ST18: variants seen among roughly 807,000 people sequenced by gnomAD.
ST18 encodes the protein ST18 C2H2C-type zinc finger transcription factor.
ST18 carries 50 observed loss-of-function variants against 110.0 expected under a neutral mutation model. The observed-to-expected ratio is 0.45, with a 90% CI of 0.36 to 0.58. The LOEUF (loss-of-function observed/expected upper bound fraction) is 0.58, where lower values mean the gene tolerates loss of function less well. Ranked by LOEUF, ST18 falls within the 20% of genes least tolerant of loss-of-function variation. ST18 has a pLI of 0.00. For synonymous variants in ST18, 461 were observed against 452.4 expected, an observed-to-expected ratio of 1.02 and a Z score of -0.24; for missense variants, 1,306 against 1,280.1, an observed-to-expected ratio of 1.02 and a Z score of -0.31.
At chr8:52,342,466 G>A (rs1401183911) in intron 2 of ST18, among the ~76,000 whole-genome samples, 3 of 152,180 alleles carry the variant, frequency 2.0e-5, no homozygotes, top group Admixed American at 6.5e-5. Context: ...CAAACATTAT[G>A]GTTTATGATG....
At chr8:52,213,204 A>G (rs2360807) in intron 7 of ST18, among the ~76,000 whole-genome samples, 8,470 of 152,274 alleles carry the variant, frequency 0.056, 407 homozygotes, top group African/African-American at 0.11. Flanking sequence ...CTGCATTTTG[A>G]TTACCATGGT....
At chr8:52,360,825 CT>C (rs1273888797) in intron 2 of ST18, among the ~76,000 whole-genome samples, 4 of 152,070 alleles carry the variant, frequency 2.6e-5, no homozygotes, top group Non-Finnish European at 4.4e-5. Context: ...CAAAGCCTTC[CT>C]TCTCCCTCCG....
At chr8:52,125,111 T>C (rs1385224267) in intron 23 of ST18, among the ~76,000 whole-genome samples, 1 of 152,124 alleles carries the variant, frequency 6.6e-6, no homozygotes, top group African/African-American at 2.4e-5. Flanking sequence ...ATTAGAAATC[T>C]CCAGAAAATG....
chr8:52,321,665 A>C (rs1230526123), intron 2 of ST18, among the ~76,000 whole-genome samples: 1 of 152,200 alleles, frequency 6.6e-6, no homozygotes, highest in Admixed American at 6.5e-5. Context: ...ATGCTAATAC[A>C]ATCACCAACT....
At chr8:52,263,089 T>C (rs1428595032) in intron 2 of ST18, among the ~76,000 whole-genome samples, 1 of 152,208 alleles carries the variant, frequency 6.6e-6, no homozygotes, top group Non-Finnish European at 1.5e-5. Flanking sequence ...TTGTCCCACT[T>C]TGAATTCTCA....
At chr8:52,140,276 T>C (rs2054417296) in intron 17 of ST18, among the ~76,000 whole-genome samples, 1 of 152,230 alleles carries the variant, frequency 6.6e-6, no homozygotes, top group African/African-American at 2.4e-5. Context: ...ACGCCTGTAA[T>C]TCCAGCACTT....
chr8:52,172,030 G>T lies in ST18; in HGVS notation c.831C>A (p.Asp277Glu), dbSNP rs545158949. The T allele has an allele frequency of 6.2e-7, 1 of 1,614,154 alleles. No homozygotes were observed. Among genetic ancestry groups the T allele is most frequent in the Non-Finnish European group, 8.5e-7 (1 of 1,180,034 alleles). ...LDGNAQPSFP[D>E]VEEEDSESLA... is the part of the protein sequence containing the mutation. ...GGCTCTCGCTATCTTCCTCCTCAAC[G>T]TCAGGGAATGAGGGCTGGGCATTGC... The change falls in exon 10 of 26, where the codon GAC becomes GAA. Residue 277 changes from aspartate to glutamate, a missense_variant. Coordinates refer to ENST00000689386, the MANE Select transcript of ST18 (RefSeq NM_001352837.2).
intron 23 of ST18, chr8:52,125,777 A>G (rs2046817331): frequency 2.7e-6 from 1 of 372,040 alleles, no homozygotes; most frequent in Admixed American, 4.3e-5. Flanking sequence ...GGCGTGAGCC[A>G]GCATGCCCTG....
intron 8 of ST18, among the ~76,000 whole-genome samples, chr8:52,200,543 C>A (rs1449435368): frequency 6.6e-6 from 1 of 152,174 alleles, no homozygotes; most frequent in Non-Finnish European, 1.5e-5. Flanking sequence ...AAGATGTGGT[C>A]TTTTCCTTTA....
intron 15 of ST18, chr8:52,150,746 A>G (rs1168418778): frequency 6.6e-6 from 1 of 152,200 alleles, no homozygotes; most frequent in Non-Finnish European, 1.5e-5. Flanking sequence ...CTTAAAACTA[A>G]ATCCACCGCA....
chr8:52,194,168 C>G (rs569644909), intron 8 of ST18, among the ~76,000 whole-genome samples: 13 of 152,004 alleles, frequency 8.6e-5, no homozygotes, highest in Non-Finnish European at 1.8e-4. Flanking sequence ...AATAACCAAG[C>G]CATTAAAAGA....
intron 22 of ST18, among the ~76,000 whole-genome samples, chr8:52,130,047 A>G (rs1479683270): frequency 2.7e-5 from 4 of 150,236 alleles, no homozygotes; most frequent in African/African-American, 7.5e-5. Context: ...CTCTGTTTCA[A>G]AAAAGAAAGA....
At position 52,113,467 on chromosome 8, in the gene ST18, G is replaced by A. The variant is rs57157128; in HGVS notation, c.3004-129C>T. On this transcript the variant is annotated intron_variant, in intron 25 of 25. Transcript: ENST00000689386. ...AGGCAAGGGTGCATATGACTGCTGG[G>A]GTTGCAGGGGATGGAGAGAGACGGA... 4,337 of 982,042 alleles carry A rather than the reference G, an allele frequency of 4.4e-3. 119 individuals are homozygous for A. In the African/African-American group the frequency reaches 0.063, roughly 14 times the overall value. 60.8% of individuals were successfully genotyped at this position (982,042 alleles called of 1,614,324 possible). A position where few individuals can be genotyped will look rare whatever the true frequency, so the allele number is the denominator to read the frequency against.
At chr8:52,283,936 G>T (rs931708080) in intron 2 of ST18, among the ~76,000 whole-genome samples, 7 of 152,204 alleles carry the variant, frequency 4.6e-5, no homozygotes, top group African/African-American at 1.7e-4. Flanking sequence ...AACTTTTGTC[G>T]TGAATGAACA....
chr8:52,356,152 T>C (rs541662916), intron 2 of ST18, among the ~76,000 whole-genome samples: 2 of 152,290 alleles, frequency 1.3e-5, no homozygotes, highest in Admixed American at 1.3e-4. Context: ...CCCTAAGCTG[T>C]CACCTCTGGC....
At chr8:52,257,878 A>G (rs2094572654) in intron 2 of ST18, among the ~76,000 whole-genome samples, 1 of 152,154 alleles carries the variant, frequency 6.6e-6, no homozygotes, top group Non-Finnish European at 1.5e-5. Flanking sequence ...CAAAGATTAC[A>G]TCTGTTTTCT....
At chr8:52,213,859 T>C (rs1029146269) in intron 7 of ST18, among the ~76,000 whole-genome samples, 2 of 152,202 alleles carry the variant, frequency 1.3e-5, no homozygotes, top group Admixed American at 1.3e-4. Context: ...CAATTCTGTC[T>C]TTTCCCTTGG....
intron 2 of ST18, among the ~76,000 whole-genome samples, chr8:52,233,218 G>A (rs999393048): frequency 1.3e-5 from 2 of 152,146 alleles, no homozygotes; most frequent in East Asian, 1.9e-4. Flanking sequence ...TTCTTCTGGA[G>A]AATGTTTATA....
chr8:52,145,762 A>G (rs1033732990), intron 16 of ST18, among the ~76,000 whole-genome samples: 4 of 152,242 alleles, frequency 2.6e-5, no homozygotes, highest in African/African-American at 9.6e-5. Context: ...ATTTCAGTAA[A>G]GACCAGGACA....
Sources: allele counts gnomAD v4.1 joint callset (sites outside exome capture counted in the v4.1 genomes callset), GRCh38; gene constraint gnomAD v4.1.1; transcripts MANE v1.5; gene names NCBI Gene and HGNC (gene_info 2026-07-23, HGNC 2026-07-21).